SH3GLB2: variants seen among roughly 807,000 people sequenced by gnomAD.
SH3GLB2 encodes the protein endophilin-B2.
In SH3GLB2, 24 loss-of-function variants were observed where a neutral mutation model predicts 48.0. The observed-to-expected ratio is 0.50, with a 90% CI of 0.36 to 0.70. SH3GLB2 has a LOEUF of 0.70. Among genes scored for constraint, SH3GLB2 ranks in the 30% least tolerant of loss-of-function variants. SH3GLB2 has a pLI of 0.00. For missense variants in SH3GLB2, 425 were observed against 516.0 expected (o/e 0.82, Z 1.71); for synonymous variants, 227 against 207.6 (o/e 1.09, Z -0.80).
Position 129,009,116 on chromosome 9 carries a change from A to G in SH3GLB2, c.1070T>C (p.Leu357Pro). The G allele has an allele frequency of 6.2e-7, 1 of 1,609,030 alleles. No homozygotes were observed. Among genetic ancestry groups the G allele is most frequent in the Non-Finnish European group, 8.5e-7 (1 of 1,179,758 alleles). Reference protein sequence around the residue: ...EAADSSELALLADELITVYSL... With the variant: ...EAADSSELALPADELITVYSL... ...CGGCACCGGGCCCACCTCATCAGCC[A>G]GCAGGGCCAGCTCACTGCTGTCGGC... Residue 357 changes from leucine (L) to proline (P), a missense_variant, in exon 10 of 11, where the codon CTG (leucine) becomes CCG (proline). Leu to Pro is a moderately conservative substitution (Grantham distance 98). Transcript: ENST00000372564.
intron 9 of SH3GLB2, 42 bp downstream of exon 9, chr9:129,009,729 A>T: frequency 6.4e-7 from 1 of 1,561,636 alleles, no homozygotes; most frequent in African/African-American, 1.4e-5. Context: ...AGGGTATGGG[A>T]GCCAGGGGGC....
In SH3GLB2 at chr9:129,028,090, A is replaced by G; in HGVS notation, c.63+2T>C. The G allele has an allele frequency of 6.7e-7, 1 of 1,502,916 alleles. No individual in the cohort carries two copies. 93.1% of individuals were successfully genotyped at this position (1,502,916 alleles called of 1,614,324 possible). A position where few individuals can be genotyped will look rare whatever the true frequency, so the allele number is the denominator to read the frequency against. On this transcript the variant is annotated splice_donor_variant, in intron 1 of 10. Coordinates refer to ENST00000372564, the MANE Select transcript of SH3GLB2 (RefSeq NM_020145.4). LOFTEE classifies it high-confidence loss of function. Reference sequence around the variant, plus strand: ...GGCGCACGGCGCGACGCCAGGCCTCACCTGCACCGCCCGGGTGAAGAAGAT... The same window carrying G: ...GGCGCACGGCGCGACGCCAGGCCTCGCCTGCACCGCCCGGGTGAAGAAGAT...
intron 1 of SH3GLB2, among the ~76,000 whole-genome samples, chr9:129,023,120 G>A (rs1050352533): frequency 2.0e-5 from 3 of 152,172 alleles, no homozygotes; most frequent in African/African-American, 4.8e-5. Context: ...GCTGCCCCAC[G>A]TAAGGCACCG....
At position 129,007,196 on chromosome 9, in the gene SH3GLB2, C is replaced by CG. The variant is rs1252743074; in HGVS notation, c.*1487dup. The CG allele has an allele frequency of 6.6e-6, 1 of 152,248 alleles. No homozygotes were observed. 9.4% of individuals were successfully genotyped at this position (152,248 alleles called of 1,614,324 possible). A position where few individuals can be genotyped will look rare whatever the true frequency, so the allele number is the denominator to read the frequency against. The stretch of plus-strand genomic sequence containing the variant: ...GCGCCTGGGAGTGGGGCTGCAGCCT[C>CG]GGGGGAAGGCAGGTACTGATGGATG... On this transcript the variant is annotated 3_prime_UTR_variant, in exon 11 of 11. Transcript: ENST00000372564.
rs1691063003 is a variant in SH3GLB2, at chr9:129,021,231, C to T, written c.206-12G>A. 6.3e-7 allele frequency: 1 copy of T among 1,594,402 alleles called. No homozygotes were observed. Among genetic ancestry groups the T allele is most frequent in the Non-Finnish European group, 8.5e-7 (1 of 1,171,966 alleles). On this transcript the variant is annotated splice_polypyrimidine_tract_variant and intron_variant, in intron 2 of 10. Coordinates refer to ENST00000372564, the MANE Select transcript of SH3GLB2 (RefSeq NM_020145.4). ...CTCCACTCGGGCACCTGTGGGGAGA[C>T]AGCAGCCAAAGCCACAGGGCTCCTT...
chr9:129,015,452 T>G (rs928375975), intron 3 of SH3GLB2, among the ~76,000 whole-genome samples: 2 of 152,150 alleles, frequency 1.3e-5, no homozygotes, highest in African/African-American at 4.8e-5. Flanking sequence ...GAAAAACTAC[T>G]GGGCTGGATG....
intron 5 of SH3GLB2, chr9:129,013,775 G>A: frequency 4.3e-6 from 1 of 233,790 alleles, no homozygotes; most frequent in South Asian, 4.6e-5. Context: ...GCAACCTCTT[G>A]TGCCAGGAGG....
Position 129,022,284 on chromosome 9 carries a change from G to T in SH3GLB2, c.203C>A (p.Pro68His). ...CGGGCCCACGAACACGCACTCACTGGGGTTGGGCTGCAGCAGCACCTCTGT... is the reference window on the plus strand; with the variant it reads ...CGGGCCCACGAACACGCACTCACTGTGGTTGGGCTGCAGCAGCACCTCTGT... The part of the protein sequence containing the change: ...RQTEVLLQPN[P>H]SARVEEFLYE... The change falls in exon 2 of 11, where the codon CCC becomes CAC. Residue 68 changes from proline (P) to histidine (H), a missense_variant and splice_region_variant. Coordinates refer to ENST00000372564, the MANE Select transcript of SH3GLB2 (RefSeq NM_020145.4). 6.2e-7 allele frequency: 1 copy of T among 1,613,576 alleles called. No individual in the cohort carries two copies.
At position 129,008,568 on chromosome 9, in the gene SH3GLB2, TG is replaced by T; in HGVS notation, c.*115del. On this transcript the variant is annotated 3_prime_UTR_variant, in exon 11 of 11. Transcript: ENST00000372564. ...TAGGTGACTAGGGGCAGGGACAGAA[TG>T]GGGTGAATTCTCCCCACTCTGAACA... is the stretch of plus-strand genomic sequence containing the variant. 1 of 777,204 alleles carries T rather than the reference TG, an allele frequency of 1.3e-6. No individual in the cohort carries two copies. The highest frequency in any genetic ancestry group is 2.2e-6 in the Non-Finnish European group (1 of 464,328). The allele number at this position is 777,204 out of a possible 1,614,324, so 48.1% of individuals were successfully genotyped here. A position where few individuals can be genotyped will look rare whatever the true frequency, so the allele number is the denominator to read the frequency against.
At chr9:129,008,878 C>G (rs1019182589) in intron 10 of SH3GLB2, 87 bp from the exon 11 acceptor site, 1 of 1,372,140 alleles carries the variant, frequency 7.3e-7, no homozygotes. Context: ...CTGCCACCTC[C>G]CCATGGCCCG....
Position 129,014,663 on chromosome 9 carries a change from G to T in SH3GLB2, c.468+108C>A. 2 of 1,523,962 alleles carry T rather than the reference G, an allele frequency of 1.3e-6. No homozygotes were observed. The highest frequency in any genetic ancestry group is 2.3e-5 in the East Asian group (1 of 44,158). 94.4% of individuals were successfully genotyped at this position (1,523,962 alleles called of 1,614,324 possible). On this transcript the variant is annotated intron_variant, in intron 4 of 10. Transcript: ENST00000372564. The surrounding 1 kb of genome is among the most constrained non-coding windows in gnomAD (Gnocchi z 4.1). The stretch of plus-strand genomic sequence containing the variant: ...GTCCAAAGGAGCCCTCTCTGGGGAG[G>T]CCTCAGGAGTTTTGTAGCCCCAGCA...
chr9:129,014,912 AAC>A lies in SH3GLB2; in HGVS notation c.335-10_335-9del, dbSNP rs1308221257. 6.2e-7 allele frequency: 1 copy of A among 1,612,472 alleles called. No homozygotes were observed. The highest frequency in any genetic ancestry group is 8.5e-7 in the Non-Finnish European group (1 of 1,179,270). ...CCTTGATCAGTGTCTTCCCTGAGAA[AAC>A]AGAGTTGAAGCGTGAGGAAGAAGGT... On this transcript the variant is annotated splice_polypyrimidine_tract_variant and intron_variant, in intron 3 of 10. Coordinates refer to ENST00000372564, the MANE Select transcript of SH3GLB2 (RefSeq NM_020145.4). The surrounding 1 kb of genome is among the most constrained non-coding windows in gnomAD (Gnocchi z 4.1).
At chr9:129,010,262 C>T (rs543692019) in intron 7 of SH3GLB2, 53 bp from the exon 8 acceptor site, 38 of 1,501,120 alleles carry the variant, frequency 2.5e-5, no homozygotes, top group Non-Finnish European at 3.0e-5. Context: ...CCAGCTTCCC[C>T]GCAGTCTTCT....
intron 9 of SH3GLB2, 41 bp downstream of exon 9, chr9:129,009,730 G>A (rs1261231459): frequency 6.4e-7 from 1 of 1,567,288 alleles, no homozygotes; most frequent in Admixed American, 1.8e-5. Context: ...GGGTATGGGA[G>A]CCAGGGGGCC....
chr9:129,013,666 A>G lies in SH3GLB2; in HGVS notation c.561+745T>C, dbSNP rs1843252476. 2.1e-5 allele frequency: 4 copies of G among 188,982 alleles called. No homozygotes were observed. In the South Asian group the frequency reaches 3.7e-4, roughly 18 times the overall value. The allele number at this position is 188,982 out of a possible 1,614,324, so 11.7% of individuals were successfully genotyped here. On this transcript the variant is annotated intron_variant, in intron 5 of 10. Transcript: ENST00000372564. ...AGGCTAGGCCTGGCCTCCCTCGGCTAATCAGCTGGCAGCCACAGGTAGCCA... is the reference window on the plus strand; with the variant it reads ...AGGCTAGGCCTGGCCTCCCTCGGCTGATCAGCTGGCAGCCACAGGTAGCCA...
chr9:129,023,288 G>A (rs946862416), intron 1 of SH3GLB2, among the ~76,000 whole-genome samples: 3 of 152,096 alleles, frequency 2.0e-5, no homozygotes, highest in Non-Finnish European at 4.4e-5. Context: ...CCCGGATGTC[G>A]CATGGGTCCC....
intron 3 of SH3GLB2, among the ~76,000 whole-genome samples, chr9:129,018,839 T>C (rs1197640497): frequency 7.4e-6 from 1 of 135,234 alleles, no homozygotes; most frequent in Non-Finnish European, 1.6e-5. Context: ...TTGCAGTGAG[T>C]CGAGATTGTG....
At chr9:129,013,377 A>T (rs747646569) in intron 5 of SH3GLB2, 1 of 325,462 alleles carries the variant, frequency 3.1e-6, no homozygotes, top group Non-Finnish European at 5.8e-6. Context: ...TGATGGAGAG[A>T]GTGTGTTCTG....
At chr9:129,009,684 G>T in intron 9 of SH3GLB2, 87 bp downstream of exon 9, 2 of 1,421,932 alleles carry the variant, frequency 1.4e-6, no homozygotes, top group Non-Finnish European at 1.9e-6. Flanking sequence ...TTGTGTCACA[G>T]GACTTGCCCA....
Sources: gnomAD v4.1 joint callset for allele counts (sites outside exome capture counted in the v4.1 genomes callset) on GRCh38, gnomAD v4.1.1 for gene constraint, Gnocchi (gnomAD v3.1) non-coding constraint, MANE v1.5 for transcripts, NCBI Gene and HGNC (gene_info 2026-07-23, HGNC 2026-07-21) for gene names.